ITGA8: variants seen among roughly 807,000 people sequenced by gnomAD.
ITGA8 encodes the protein integrin alpha-8.
In ITGA8, 91 loss-of-function variants were observed where a neutral mutation model predicts 142.3. The observed-to-expected ratio is 0.64, with a 90% CI of 0.54 to 0.76. ITGA8 has a LOEUF of 0.76. ITGA8 is among the 30% of genes least tolerant of loss of function. ITGA8 has a pLI of 0.00. For synonymous variants in ITGA8, 505 were observed against 485.2 expected, an observed-to-expected ratio of 1.04 and a Z score of -0.54; for missense variants, 1,406 against 1,327.7, an observed-to-expected ratio of 1.06 and a Z score of -0.92.
At chr10:15,532,152 C>T (rs146693604) in intron 27 of ITGA8, among the ~76,000 whole-genome samples, 87 of 151,792 alleles carry the variant, frequency 5.7e-4, no homozygotes, top group Middle Eastern at 3.4e-3. Context: ...AGATGCCGGC[C>T]GGGCGTGGTG....
At chr10:15,535,090 C>T (rs549569653) in intron 27 of ITGA8, among the ~76,000 whole-genome samples, 2 of 152,256 alleles carry the variant, frequency 1.3e-5, no homozygotes, top group South Asian at 2.1e-4. Context: ...CCAGCGGCTG[C>T]GGTAGGTGTG....
intron 2 of ITGA8, among the ~76,000 whole-genome samples, chr10:15,697,578 A>G (rs773461795): frequency 6.6e-6 from 1 of 152,246 alleles, no homozygotes; most frequent in Non-Finnish European, 1.5e-5. Context: ...CAAACTGTAT[A>G]ATCTTTGTCA....
intron 2 of ITGA8, among the ~76,000 whole-genome samples, chr10:15,702,862 A>G (rs1835190811): frequency 1.3e-5 from 2 of 152,344 alleles, no homozygotes; most frequent in South Asian, 4.1e-4. Context: ...ACAAAGTAAC[A>G]AAACTTGTAT....
chr10:15,587,959 TACTGAAGTCACTAAAA>T (rs1832861422), intron 22 of ITGA8, among the ~76,000 whole-genome samples: 1 of 152,202 alleles, frequency 6.6e-6, no homozygotes, highest in Admixed American at 6.5e-5. Context: ...ATTATGCTTT[TACTGAAGTCACTAAAA>T]ACTTAGGCAG....
chr10:15,662,795 T>G (rs2131674126), intron 8 of ITGA8, among the ~76,000 whole-genome samples: 1 of 152,254 alleles, frequency 6.6e-6, no homozygotes, highest in Non-Finnish European at 1.5e-5. Flanking sequence ...AGTTGGTGAG[T>G]AGTACAAGTC....
At chr10:15,716,374 A>G (rs1041161343) in intron 2 of ITGA8, among the ~76,000 whole-genome samples, 1 of 152,202 alleles carries the variant, frequency 6.6e-6, no homozygotes, top group Non-Finnish European at 1.5e-5. Context: ...ATCAATCTCT[A>G]AAGCCCTTTG....
chr10:15,644,537 C>T (rs1279382594), intron 12 of ITGA8, among the ~76,000 whole-genome samples: 3 of 132,980 alleles, frequency 2.3e-5, no homozygotes, highest in Non-Finnish European at 4.7e-5. Context: ...CTTTGTTGCC[C>T]AGGATGGTCT....
At chr10:15,643,002 A>G (rs2131645120) in intron 13 of ITGA8, among the ~76,000 whole-genome samples, 1 of 152,314 alleles carries the variant, frequency 6.6e-6, no homozygotes, top group East Asian at 1.9e-4. Flanking sequence ...ATTTATTGAA[A>G]CCATCTTAAA....
intron 15 of ITGA8, among the ~76,000 whole-genome samples, chr10:15,611,002 A>G (rs1223637266): frequency 6.6e-6 from 1 of 152,224 alleles, no homozygotes; most frequent in Non-Finnish European, 1.5e-5. Context: ...TAGATACTTT[A>G]TAAAACTACA....
intron 27 of ITGA8, among the ~76,000 whole-genome samples, chr10:15,546,463 C>T (rs554451531): frequency 2.0e-5 from 3 of 152,146 alleles, no homozygotes; most frequent in Non-Finnish European, 2.9e-5. Context: ...GTCAGTGGTT[C>T]AAAATGGGAT....
chr10:15,622,564 C>A (rs1241049673), intron 13 of ITGA8, among the ~76,000 whole-genome samples: 1 of 144,946 alleles, frequency 6.9e-6, no homozygotes, highest in Non-Finnish European at 1.5e-5. Flanking sequence ...ATCTAGACGA[C>A]TTTTATAGCA....
intron 13 of ITGA8, among the ~76,000 whole-genome samples, chr10:15,629,761 T>C (rs1251613223): frequency 1.3e-5 from 2 of 151,968 alleles, no homozygotes; most frequent in African/African-American, 2.4e-5. Context: ...ACCCCATCTC[T>C]ACTAAAAATA....
Position 15,696,861 on chromosome 10 carries a change from CAAAAAAA to C in ITGA8, c.344-8830_344-8824del, listed in dbSNP as rs750418009. On this transcript the variant is annotated intron_variant, in intron 2 of 29. Coordinates refer to ENST00000378076, the MANE Select transcript of ITGA8 (RefSeq NM_003638.3). ...AACATGGCAAAACCCTAACTCTTAC[CAAAAAAA>C]AAAAAAAAAAAAAAATTAGCCAGGC... is the stretch of plus-strand genomic sequence containing the variant. Among the ~76,000 whole-genome samples, 64 of 52,548 alleles carry C rather than the reference CAAAAAAA, an allele frequency of 1.2e-3. No homozygotes were observed. The East Asian group carries it at 0.023, about 19-fold the overall frequency. The allele number at this position is 52,548 out of a possible 152,430, so 34.5% of individuals were successfully genotyped here. A position where few individuals can be genotyped will look rare whatever the true frequency, so the allele number is the denominator to read the frequency against.
At chr10:15,690,491 C>A (rs77752684) in intron 2 of ITGA8, among the ~76,000 whole-genome samples, 16,189 of 152,144 alleles carry the variant, frequency 0.11, 896 homozygotes, top group East Asian at 0.19. Context: ...AGAGCTGCAT[C>A]TACCCACACC....
At chr10:15,647,532 G>T (rs1261768386) in intron 11 of ITGA8, among the ~76,000 whole-genome samples, 4 of 139,014 alleles carry the variant, frequency 2.9e-5, no homozygotes, top group African/African-American at 8.1e-5. Flanking sequence ...GCGCAATCTC[G>T]GCTCACTGCA....
At chr10:15,600,472 G>T (rs1833084713) in intron 20 of ITGA8, among the ~76,000 whole-genome samples, 1 of 152,162 alleles carries the variant, frequency 6.6e-6, no homozygotes, top group Admixed American at 6.5e-5. Context: ...GTTGGGAGGA[G>T]AAACGGCTGG....
chr10:15,671,483 G>T, intron 8 of ITGA8, 120 bp downstream of exon 8: 1 of 760,528 alleles, frequency 1.3e-6, no homozygotes, highest in Non-Finnish European at 2.3e-6. Context: ...GGCACTCTGG[G>T]ACTCCATTAA....
intron 23 of ITGA8, among the ~76,000 whole-genome samples, chr10:15,585,344 A>G (rs1271684758): frequency 6.6e-6 from 1 of 152,168 alleles, no homozygotes; most frequent in Non-Finnish European, 1.5e-5. Flanking sequence ...TACAAGGAGG[A>G]TACTAGTTCA....
At chr10:15,675,526 TA>T (rs1352399093) in intron 6 of ITGA8, among the ~76,000 whole-genome samples, 2 of 152,252 alleles carry the variant, frequency 1.3e-5, no homozygotes, top group Non-Finnish European at 2.9e-5. Flanking sequence ...CTGAAACTTA[TA>T]CAACTTGTTT....
Sources: gnomAD v4.1 joint callset for allele counts (sites outside exome capture counted in the v4.1 genomes callset) on GRCh38, gnomAD v4.1.1 for gene constraint, MANE v1.5 for transcripts, NCBI Gene and HGNC (gene_info 2026-07-23, HGNC 2026-07-21) for gene names.